CACNA2D3: variants seen among roughly 807,000 people sequenced by gnomAD.
CACNA2D3 encodes calcium voltage-gated channel auxiliary subunit alpha2delta 3.
A neutral mutation model predicts 160.6 loss-of-function variants in CACNA2D3; 60 were observed. The observed-to-expected ratio is 0.37, with a 90% CI of 0.30 to 0.46. The LOEUF (loss-of-function observed/expected upper bound fraction) is 0.46, where lower values mean the gene tolerates loss of function less well. Among genes scored for constraint, CACNA2D3 ranks in the 20% least tolerant of loss-of-function variants. The pLI is 1.00. For synonymous variants in CACNA2D3, 558 were observed against 492.9 expected (o/e 1.13, Z -1.75); for missense variants, 1,205 against 1,365.0 (o/e 0.88, Z 1.85).
At chr3:54,712,390 A>G (rs769847172) in intron 11 of CACNA2D3, among the ~76,000 whole-genome samples, 1 of 152,140 alleles carries the variant, frequency 6.6e-6, no homozygotes. Context: ...TGTAACTCCC[A>G]CAATTCCTAT....
intron 2 of CACNA2D3, among the ~76,000 whole-genome samples, chr3:54,237,958 C>T (rs140947448): frequency 8.9e-4 from 135 of 152,268 alleles, no homozygotes; most frequent in African/African-American, 2.8e-3. Context: ...GTTGTGCTGA[C>T]GTGCTTTGAG....
At chr3:54,269,205 A>C (rs1702572828) in intron 2 of CACNA2D3, among the ~76,000 whole-genome samples, 1 of 151,880 alleles carries the variant, frequency 6.6e-6, no homozygotes, top group South Asian at 2.1e-4. Context: ...TTTGAATTCC[A>C]CTGGTAGCGC....
At chr3:54,184,048 G>A (rs1049399536) in intron 2 of CACNA2D3, among the ~76,000 whole-genome samples, 14 of 152,000 alleles carry the variant, frequency 9.2e-5, no homozygotes, top group Non-Finnish European at 1.8e-4. Flanking sequence ...TTTTCAATGA[G>A]ACACAGCTGT....
intron 5 of CACNA2D3, among the ~76,000 whole-genome samples, chr3:54,508,691 G>T (rs944722369): frequency 6.6e-6 from 1 of 152,212 alleles, no homozygotes; most frequent in Non-Finnish European, 1.5e-5. Flanking sequence ...AGTGGCAGAG[G>T]TGAAGGGGAG....
intron 4 of CACNA2D3, among the ~76,000 whole-genome samples, chr3:54,430,215 T>C (rs1464253224): frequency 7.1e-6 from 1 of 141,606 alleles, no homozygotes; most frequent in East Asian, 2.1e-4. Flanking sequence ...TGCGGATTTG[T>C]TATTTATTTG....
intron 2 of CACNA2D3, among the ~76,000 whole-genome samples, chr3:54,154,341 A>C (rs567073834): frequency 6.6e-6 from 1 of 152,262 alleles, no homozygotes; most frequent in South Asian, 2.1e-4. Flanking sequence ...AGGTTGTCTT[A>C]TTATTTCCAT....
chr3:54,830,931 G>A (rs913732608), intron 14 of CACNA2D3, among the ~76,000 whole-genome samples: 4 of 152,058 alleles, frequency 2.6e-5, no homozygotes, highest in Admixed American at 2.6e-4. Context: ...TTGAAAGGAA[G>A]CTAGCAGAAA....
At chr3:54,570,248 A>T in intron 8 of CACNA2D3, 144 bp downstream of exon 8, 1 of 868,280 alleles carries the variant, frequency 1.2e-6, no homozygotes, top group South Asian at 1.6e-5. Context: ...AAGTTGACAG[A>T]GTCATGGACA....
At chr3:54,820,154 T>C (rs1703556664) in intron 14 of CACNA2D3, among the ~76,000 whole-genome samples, 1 of 152,164 alleles carries the variant, frequency 6.6e-6, no homozygotes, top group African/African-American at 2.4e-5. Flanking sequence ...CGTTGTACCA[T>C]ATGGTGTCTG....
intron 2 of CACNA2D3, among the ~76,000 whole-genome samples, chr3:54,162,030 C>T (rs773068317): frequency 6.6e-6 from 1 of 152,166 alleles, no homozygotes; most frequent in Non-Finnish European, 1.5e-5. Context: ...GTGCTCTTCC[C>T]CAGAACTTGT....
Position 54,242,315 on chromosome 3 carries a change from C to T in CACNA2D3, c.205-78127C>T, listed in dbSNP as rs531879243. ...ACAAAAAGCCAGGCATGGTGGTGGA[C>T]GTCTGTAATCCCAGCTACTCGGGAG... On this transcript the variant is annotated intron_variant, in intron 2 of 37. Transcript: ENST00000474759. Among the ~76,000 whole-genome samples, 15 of 152,016 alleles carry T rather than the reference C, an allele frequency of 9.9e-5. No individual in the cohort carries two copies. The South Asian group carries it at 2.9e-3, about 30-fold the overall frequency.
At chr3:54,465,276 ATTACT>A (rs1209943772) in intron 4 of CACNA2D3, among the ~76,000 whole-genome samples, 2 of 151,384 alleles carry the variant, frequency 1.3e-5, no homozygotes, top group Non-Finnish European at 2.9e-5. Flanking sequence ...TTCCTGTTTG[ATTACT>A]TTATATCTCA....
At chr3:54,228,217 G>T (rs1003293481) in intron 2 of CACNA2D3, among the ~76,000 whole-genome samples, 1 of 152,124 alleles carries the variant, frequency 6.6e-6, no homozygotes, top group African/African-American at 2.4e-5. Context: ...GAAAACTGAG[G>T]GCTGTTCAAA....
intron 27 of CACNA2D3, among the ~76,000 whole-genome samples, chr3:54,963,950 A>T (rs550993157): frequency 6.6e-6 from 1 of 152,332 alleles, no homozygotes; most frequent in East Asian, 1.9e-4. Flanking sequence ...TCTGTAGTTA[A>T]GCCCTCTTAG....
chr3:54,581,890 CGGG>C lies in CACNA2D3; in HGVS notation c.963+16_963+18del. ...GACAAACAAAGAGGTAGGGGCAGCT[CGGG>C]GGAGCATTCCAGTCATGGTACACCC... On this transcript the variant is annotated intron_variant, in intron 9 of 37. Transcript: ENST00000474759. 6.2e-7 allele frequency: 1 copy of C among 1,611,246 alleles called. No homozygotes were observed. Among genetic ancestry groups the C allele is most frequent in the Non-Finnish European group, 8.5e-7 (1 of 1,178,050 alleles).
At chr3:54,244,041 C>G (rs1210972571) in intron 2 of CACNA2D3, among the ~76,000 whole-genome samples, 1 of 152,218 alleles carries the variant, frequency 6.6e-6, no homozygotes, top group Non-Finnish European at 1.5e-5. Flanking sequence ...GATGATAGCA[C>G]CTTCTCCCTC....
chr3:54,263,809 A>G (rs1463228942), intron 2 of CACNA2D3, among the ~76,000 whole-genome samples: 1 of 152,198 alleles, frequency 6.6e-6, no homozygotes, highest in Non-Finnish European at 1.5e-5. Flanking sequence ...AATGCTGAAT[A>G]CCATCTACAT....
At chr3:54,456,545 GA>G (rs1199221955) in intron 4 of CACNA2D3, among the ~76,000 whole-genome samples, 1 of 151,834 alleles carries the variant, frequency 6.6e-6, no homozygotes, top group African/African-American at 2.4e-5. Context: ...ATTCATTAGG[GA>G]TATTGGCCTA....
At chr3:54,321,495 A>G (rs1703993340) in intron 3 of CACNA2D3, among the ~76,000 whole-genome samples, 1 of 152,104 alleles carries the variant, frequency 6.6e-6, no homozygotes. Flanking sequence ...CTTCTTATAT[A>G]TTTATAATGG....
Sources: gnomAD v4.1 joint callset for allele counts (sites outside exome capture counted in the v4.1 genomes callset) on GRCh38, gnomAD v4.1.1 for gene constraint, MANE v1.5 for transcripts, NCBI Gene and HGNC (gene_info 2026-07-23, HGNC 2026-07-21) for gene names.